The following HTD2 variants were observed in gnomAD, a reference collection of about 807,000 sequenced individuals.
HTD2 encodes hydroxyacyl-thioester dehydratase type 2.
In HTD2, 1 loss-of-function variant was observed where a neutral mutation model predicts 3.1. The ratio of observed to expected loss-of-function variants is 0.32; its 90% CI spans 0.11 to 1.52. The LOEUF (loss-of-function observed/expected upper bound fraction) is 1.52. HTD2 is among the 40% of genes most tolerant of loss of function. The pLI is 0.39. For missense variants in HTD2, 150 were observed against 79.6 expected (o/e 1.88, Z -3.36); for synonymous variants, 50 against 28.9 (o/e 1.73, Z -2.34).
At chr3:58,309,870 C>G (rs188908638) in intron 1 of HTD2, among the ~76,000 whole-genome samples, 1 of 151,348 alleles carries the variant, frequency 6.6e-6, no homozygotes, top group Non-Finnish European at 1.5e-5. Context: ...CCAGCCTGGG[C>G]GACAGAGCAA....
At chr3:58,313,258 C>CA (rs1443143733) in intron 2 of HTD2, among the ~76,000 whole-genome samples, 3 of 151,220 alleles carry the variant, frequency 2.0e-5, no homozygotes, top group South Asian at 2.1e-4. Flanking sequence ...GACTCGGTCT[C>CA]AAAAAAAAGG....
chr3:58,306,405 C>T (rs1348079368), upstream of HTD2: 1 of 152,318 alleles, frequency 6.6e-6, no homozygotes, highest in Non-Finnish European at 1.5e-5. Context: ...CAGGCTAGTC[C>T]GACGAAGAGT....
chr3:58,310,116 C>T, intron 1 of HTD2: 2 of 556,486 alleles, frequency 3.6e-6, no homozygotes, highest in South Asian at 4.4e-5. Flanking sequence ...AGGAGGATCA[C>T]CTGAGCCTCG....
At chr3:58,314,675 A>ATTTT (rs751757663) in intron 2 of HTD2, among the ~76,000 whole-genome samples, 8,886 of 90,678 alleles carry the variant, frequency 0.098, 825 homozygotes, top group East Asian at 0.16. Context: ...GTTTGGCAGT[A>ATTTT]TTTTTTTTTT....
upstream of HTD2, chr3:58,306,513 G>A (rs1052282861): frequency 2.0e-5 from 3 of 152,242 alleles, no homozygotes; most frequent in Non-Finnish European, 4.4e-5. Flanking sequence ...TGCGCCTTGG[G>A]TAGCTTGTCC....
At chr3:58,307,994 T>A (rs1414800300) in intron 1 of HTD2, 1 of 152,144 alleles carries the variant, frequency 6.6e-6, no homozygotes, top group African/African-American at 2.4e-5. Flanking sequence ...GTCTTCGTTT[T>A]ACTGGCATCT....
chr3:58,312,221 G>A (rs2097482989), intron 2 of HTD2, among the ~76,000 whole-genome samples: 1 of 152,010 alleles, frequency 6.6e-6, no homozygotes, highest in South Asian at 2.1e-4. Flanking sequence ...ATTCCTCCCA[G>A]TAGTGTGTGA....
At chr3:58,308,964 A>T (rs1440560591) in intron 1 of HTD2, among the ~76,000 whole-genome samples, 2 of 152,234 alleles carry the variant, frequency 1.3e-5, no homozygotes, top group Non-Finnish European at 2.9e-5. Flanking sequence ...AGAGATGAGC[A>T]TGTTCTACGT....
Position 58,309,203 on chromosome 3 carries a change from C to G in HTD2, c.-415-1304C>G, listed in dbSNP as rs1006082653. ...TGAGAGTAAACAAGAAGAGGACCTT[C>G]AAATCTTAGATTTTACTCCTTTATG... On this transcript the variant is annotated intron_variant, in intron 1 of 4. Transcript: ENST00000461393. Among the ~76,000 whole-genome samples, 5 of 152,188 alleles carry G rather than the reference C, an allele frequency of 3.3e-5. No individual in the cohort carries two copies. The East Asian group carries it at 9.6e-4, about 29-fold the overall frequency.
At chr3:58,316,677 A>G (rs2292674) in intron 3 of HTD2, 86 bp downstream of exon 3, 1 of 1,242,730 alleles carries the variant, frequency 8.0e-7, no homozygotes, top group South Asian at 1.2e-5. Context: ...ATGAGAATAA[A>G]TTTTTTGTTG....
Position 58,317,436 on chromosome 3 carries a change from C to T in HTD2, c.-174-4C>T, listed in dbSNP as rs1365765487. ...ATGCCTTAACCTTTTTCTTTCTCTTCTAGGTTTCTCCATTTCTTCTTGCAT... is the reference window on the plus strand; with the variant it reads ...ATGCCTTAACCTTTTTCTTTCTCTTTTAGGTTTCTCCATTTCTTCTTGCAT... On this transcript the variant is annotated splice_polypyrimidine_tract_variant and splice_region_variant and intron_variant, in intron 4 of 4. Transcript: ENST00000461393. 2 of 1,588,552 alleles carry T rather than the reference C, an allele frequency of 1.3e-6. No homozygotes were observed. The highest frequency in any genetic ancestry group is 1.7e-6 in the Non-Finnish European group (2 of 1,158,720).
chr3:58,309,752 C>T (rs888090671), intron 1 of HTD2, among the ~76,000 whole-genome samples: 3 of 151,960 alleles, frequency 2.0e-5, no homozygotes, highest in African/African-American at 4.8e-5. Context: ...GGTAGCCGGG[C>T]GTGGTAGCAC....
At chr3:58,314,824 A>G (rs989853610) in intron 2 of HTD2, among the ~76,000 whole-genome samples, 1 of 152,008 alleles carries the variant, frequency 6.6e-6, no homozygotes, top group African/African-American at 2.4e-5. Context: ...AGCTAGGACT[A>G]CAGGCACACA....
At chr3:58,308,464 GT>G (rs76792725) in intron 1 of HTD2, among the ~76,000 whole-genome samples, 52,347 of 146,848 alleles carry the variant, frequency 0.36, 9,910 homozygotes, top group East Asian at 0.81. Flanking sequence ...AAGTTTTTTT[GT>G]TTTTTTTTTT....
At chr3:58,316,792 C>A in intron 3 of HTD2, 123 bp from the exon 4 acceptor site, 2 of 933,352 alleles carry the variant, frequency 2.1e-6, no homozygotes, top group Non-Finnish European at 3.3e-6. Flanking sequence ...TTGGTTACAG[C>A]TGTAGTTTTC....
chr3:58,316,996 A>G lies in HTD2; in HGVS notation c.-175+3A>G, dbSNP rs370122289. On this transcript the variant is annotated splice_donor_region_variant and intron_variant, in intron 4 of 4. Transcript: ENST00000461393. ...AATGTGCTTTCCGGGTGATTCAGGT[A>G]AAGACTATTCCCTCACATATTCCAA... The G allele has an allele frequency of 3.1e-6, 5 of 1,608,826 alleles. No individual in the cohort carries two copies. The highest frequency in any genetic ancestry group is 3.4e-6 in the Non-Finnish European group (4 of 1,175,516).
At chr3:58,310,123 C>T (rs2097480491) in intron 1 of HTD2, 1 of 562,964 alleles carries the variant, frequency 1.8e-6, no homozygotes, top group East Asian at 2.9e-5. Context: ...TCACCTGAGC[C>T]TCGAGAGCCA....
chr3:58,310,562 A>AT lies in HTD2; in HGVS notation c.-357dup. ...TGCTGCACAGTTCAAACAGCTGCTT[A>AT]TTTCGGCTGTGAAGGACCTGTTTGG... is the stretch of plus-strand genomic sequence containing the variant. On this transcript the variant is annotated 5_prime_UTR_variant, in exon 2 of 5. An upstream open reading frame in the 5' UTR loses its in-frame stop. Coordinates refer to ENST00000461393, the MANE Select transcript of HTD2 (RefSeq NM_001348712.2). 4.3e-6 allele frequency: 7 copies of AT among 1,612,962 alleles called. No individual in the cohort carries two copies. The highest frequency in any genetic ancestry group is 5.9e-6 in the Non-Finnish European group (7 of 1,179,730).
Position 58,319,881 on chromosome 3 carries a change from GT to G in HTD2, c.*1765del. On this transcript the variant is annotated 3_prime_UTR_variant, in exon 5 of 5. Coordinates refer to ENST00000461393, the MANE Select transcript of HTD2 (RefSeq NM_001348712.2). ...CCTTTTAAAAGTGTACAGTTTAGTG[GT>G]TTTCAGAATATCCACAAAGTTGTAC... 6.6e-6 allele frequency: 1 copy of G among 152,126 alleles called. No homozygotes were observed. The highest frequency in any genetic ancestry group is 2.1e-4 in the South Asian group (1 of 4,820). The allele number at this position is 152,126 out of a possible 1,614,324, so 9.4% of individuals were successfully genotyped here. A position where few individuals can be genotyped will look rare whatever the true frequency, so the allele number is the denominator to read the frequency against.
Sources: allele counts gnomAD v4.1 joint callset (sites outside exome capture counted in the v4.1 genomes callset), GRCh38; gene constraint gnomAD v4.1.1; transcripts MANE v1.5; gene names NCBI Gene and HGNC (gene_info 2026-07-23, HGNC 2026-07-21).